TIGIT: variants seen among roughly 807,000 people sequenced by gnomAD.
TIGIT encodes T cell immunoreceptor with Ig and ITIM domains.
A neutral mutation model predicts 19.6 loss-of-function variants in TIGIT; 11 were observed. The ratio of observed to expected loss-of-function variants is 0.56; its 90% confidence interval spans 0.35 to 0.93. The LOEUF (loss-of-function observed/expected upper bound fraction) is 0.93. Ranked by LOEUF, TIGIT falls within the 40% of genes least tolerant of loss-of-function variation. The probability of loss-of-function intolerance (pLI) is 0.01; values close to 1 mark genes in which losing one functional copy is unlikely to be tolerated. For missense variants in TIGIT, 295 were observed against 303.9 expected (o/e 0.97, Z 0.22); for synonymous variants, 130 against 125.5 (o/e 1.04, Z -0.24).
rs143771376 is a variant in TIGIT, at chr3:114,299,680, G to A, written c.475G>A (p.Val159Met). ...TLVVICTAVI[V>M]VVALTRKKKA... Reference sequence around the variant, plus strand: ...GGTGGTCATCTGCACAGCAGTCATCGTGGTGGTCGCGTTGACTAGAAAGGT... The same window carrying A: ...GGTGGTCATCTGCACAGCAGTCATCATGGTGGTCGCGTTGACTAGAAAGGT... Residue 159 changes from valine (V) to methionine (M), a missense_variant, in exon 3 of 4, where the codon GTG (valine) becomes ATG (methionine). Val to Met is a conservative substitution (Grantham distance 21, BLOSUM62 1). Transcript: ENST00000383671. 1.7e-5 allele frequency: 27 copies of A among 1,612,370 alleles called. No homozygotes were observed. The highest frequency in any genetic ancestry group is 1.1e-4 in the East Asian group (5 of 44,868).
chr3:114,307,379 A>C (rs376734687), intron 3 of TIGIT, among the ~76,000 whole-genome samples: 28 of 152,152 alleles, frequency 1.8e-4, no homozygotes, highest in African/African-American at 6.3e-4. Context: ...ATGCTCATGA[A>C]ATCACTCAGA....
chr3:114,295,324 G>A (rs538505855), intron 1 of TIGIT, among the ~76,000 whole-genome samples: 1 of 152,114 alleles, frequency 6.6e-6, no homozygotes, highest in Non-Finnish European at 1.5e-5. Context: ...CAACCTGAAT[G>A]GGGGACTGGG....
chr3:114,307,690 A>G (rs1019187992), intron 3 of TIGIT: 173 of 577,132 alleles, frequency 3.0e-4, no homozygotes, highest in Middle Eastern at 2.3e-3. Flanking sequence ...TGGTATATGT[A>G]GTAAGTGCAG....
chr3:114,299,000 A>T (rs1440330359), intron 2 of TIGIT, among the ~76,000 whole-genome samples: 1 of 152,212 alleles, frequency 6.6e-6, no homozygotes, highest in African/African-American at 2.4e-5. Context: ...GCACTAGTTC[A>T]TGATTTCACT....
chr3:114,300,273 G>C (rs977248936), intron 3 of TIGIT, among the ~76,000 whole-genome samples: 1 of 151,974 alleles, frequency 6.6e-6, no homozygotes, highest in Non-Finnish European at 1.5e-5. Context: ...CCACCCACTC[G>C]GGAGACTGTG....
At position 114,295,744 on chromosome 3, in the gene TIGIT, A is replaced by G. The variant is rs151023095; in HGVS notation, c.261A>G (p.Pro87=). Residue 87 remains proline, a synonymous_variant, in exon 2 of 4, where the codon CCA becomes CCG. Transcript: ENST00000383671. ...ISPSFKDRVA[P]GPGLGLTLQS... is the part of the protein sequence containing the mutation. ...CATCCTTCAAGGATCGAGTGGCCCC[A>G]GGTCCCGGCCTGGGCCTCACCCTCC... 4.3e-6 allele frequency: 7 copies of G among 1,614,086 alleles called. No individual in the cohort carries two copies. The African/African-American group carries it at 9.3e-5, about 22-fold the overall frequency.
intron 3 of TIGIT, among the ~76,000 whole-genome samples, chr3:114,305,860 G>A (rs1253645339): frequency 7.2e-6 from 1 of 139,768 alleles, no homozygotes; most frequent in Non-Finnish European, 1.6e-5. Context: ...GTGGATGGAT[G>A]GATGGATAGA....
rs1420199222 is a variant in TIGIT, at chr3:114,308,498, T to A, written c.*367T>A. 5.2e-6 allele frequency: 1 copy of A among 191,114 alleles called. No individual in the cohort carries two copies. Among genetic ancestry groups the A allele is most frequent in the Non-Finnish European group, 1.1e-5 (1 of 92,442 alleles). The allele number at this position is 191,114 out of a possible 1,614,324, so 11.8% of individuals were successfully genotyped here. A position where few individuals can be genotyped will look rare whatever the true frequency, so the allele number is the denominator to read the frequency against. On this transcript the variant is annotated 3_prime_UTR_variant, in exon 4 of 4. Coordinates refer to ENST00000383671, the MANE Select transcript of TIGIT (RefSeq NM_173799.4). ...AAGGTTTTGTGGTTGATGATGAGGA[T>A]GGCATGACTGCAGAGCCATCCTCAT... is the stretch of plus-strand genomic sequence containing the variant.
At chr3:114,300,391 G>A (rs1383018634) in intron 3 of TIGIT, among the ~76,000 whole-genome samples, 1 of 151,868 alleles carries the variant, frequency 6.6e-6, no homozygotes, top group Admixed American at 6.6e-5. Context: ...AAAAAAATTG[G>A]TGGTAAAGTG....
intron 2 of TIGIT, among the ~76,000 whole-genome samples, chr3:114,299,071 C>T (rs537711015): frequency 6.6e-6 from 1 of 152,310 alleles, no homozygotes; most frequent in Non-Finnish European, 1.5e-5. Flanking sequence ...GAGAAAACAG[C>T]AAAGGATAAG....
At chr3:114,306,688 GTGGGACCATCACAAGGGATGTTTT>G (rs1247909951) in intron 3 of TIGIT, among the ~76,000 whole-genome samples, 11 of 152,208 alleles carry the variant, frequency 7.2e-5, no homozygotes, top group Non-Finnish European at 1.2e-4. Context: ...GGAAAGGTGA[GTGGGACCATCACAAGGGATGTTTT>G]TGGGATCATC....
intron 2 of TIGIT, among the ~76,000 whole-genome samples, chr3:114,299,120 G>A (rs2078473195): frequency 6.6e-6 from 1 of 152,210 alleles, no homozygotes; most frequent in East Asian, 1.9e-4. Context: ...TCACAGCCTA[G>A]CTGGAAATAA....
rs1325355091 is a variant in TIGIT at position 114,303,626 on chromosome 3, T to C, written c.498+3923T>C. Among the ~76,000 whole-genome samples, 17 of 70,232 alleles carry C rather than the reference T, an allele frequency of 2.4e-4. 1 individual carries two copies. The highest frequency in any genetic ancestry group is 6.9e-4 in the Admixed American group (4 of 5,830). The allele number at this position is 70,232 out of a possible 152,430, so 46.1% of individuals were successfully genotyped here. A position where few individuals can be genotyped will look rare whatever the true frequency, so the allele number is the denominator to read the frequency against. ...ATATATATATACATATATATGTATATATATACACACACACACACACACACA... is the reference window on the plus strand; with the variant it reads ...ATATATATATACATATATATGTATACATATACACACACACACACACACACA... On this transcript the variant is annotated intron_variant, in intron 3 of 3. Transcript: ENST00000383671.
intron 3 of TIGIT, among the ~76,000 whole-genome samples, chr3:114,305,590 G>A (rs1355138878): frequency 6.6e-6 from 1 of 152,094 alleles, no homozygotes; most frequent in Non-Finnish European, 1.5e-5. Flanking sequence ...AATCCACCTA[G>A]GTCAGTCATT....
chr3:114,308,229 G>T lies in TIGIT; in HGVS notation c.*98G>T. On this transcript the variant is annotated 3_prime_UTR_variant, in exon 4 of 4. Transcript: ENST00000383671. Reference sequence around the variant, plus strand: ...CTCCATCAGTGCTGCGTGTGTGTGTGTGTGTGTATGTGTGTGTGTGTTCAG... The same window carrying T: ...CTCCATCAGTGCTGCGTGTGTGTGTTTGTGTGTATGTGTGTGTGTGTTCAG... 2.4e-6 allele frequency: 2 copies of T among 828,520 alleles called. No individual in the cohort carries two copies. Among genetic ancestry groups the T allele is most frequent in the Non-Finnish European group, 4.0e-6 (2 of 499,834 alleles). The allele number at this position is 828,520 out of a possible 1,614,324, so 51.3% of individuals were successfully genotyped here.
intron 3 of TIGIT, among the ~76,000 whole-genome samples, chr3:114,303,637 A>G (rs2078512128): frequency 1.4e-5 from 2 of 139,932 alleles, no homozygotes; most frequent in Non-Finnish European, 1.6e-5. Context: ...ATATACACAC[A>G]CACACACACA....
At chr3:114,299,988 G>A (rs1359407265) in intron 3 of TIGIT, among the ~76,000 whole-genome samples, 1 of 152,190 alleles carries the variant, frequency 6.6e-6, no homozygotes, top group Non-Finnish European at 1.5e-5. Context: ...ACTGCTCTGA[G>A]AGTTTAATTT....
chr3:114,307,047 A>G (rs2078539858), intron 3 of TIGIT, among the ~76,000 whole-genome samples: 1 of 152,218 alleles, frequency 6.6e-6, no homozygotes, highest in Admixed American at 6.5e-5. Context: ...AAGAGGGAGT[A>G]GATTTCAGAA....
intron 1 of TIGIT, among the ~76,000 whole-genome samples, chr3:114,294,421 C>G (rs1278779442): frequency 6.6e-6 from 1 of 152,122 alleles, no homozygotes; most frequent in Non-Finnish European, 1.5e-5. Context: ...GGAGGCATTG[C>G]CAGTTTGCTT....
Sources: allele counts gnomAD v4.1 joint callset (sites outside exome capture counted in the v4.1 genomes callset), GRCh38; gene constraint gnomAD v4.1.1; transcripts MANE v1.5; gene names NCBI Gene and HGNC (gene_info 2026-07-23, HGNC 2026-07-21).